The following AFG1L variants were observed in gnomAD, a reference collection of about 807,000 sequenced individuals.
AFG1L encodes AFG1-like ATPase.
Under a neutral mutation model 62.2 loss-of-function variants are expected in AFG1L, and 53 were observed. The ratio of observed to expected loss-of-function variants is 0.85; its 90% confidence interval spans 0.68 to 1.07. The LOEUF (loss-of-function observed/expected upper bound fraction) is 1.07. AFG1L is among the 50% of genes least tolerant of loss of function. The probability of loss-of-function intolerance (pLI) is 0.00; values close to 1 mark genes in which losing one functional copy is unlikely to be tolerated. For missense variants in AFG1L, 555 were observed against 590.5 expected (o/e 0.94, Z 0.62); for synonymous variants, 228 against 210.3 (o/e 1.08, Z -0.73).
intron 7 of AFG1L, among the ~76,000 whole-genome samples, chr6:108,435,207 GA>G (rs972113378): frequency 1.3e-5 from 2 of 152,206 alleles, no homozygotes; most frequent in Non-Finnish European, 2.9e-5. Context: ...TTATAAACCA[GA>G]AGGGGCTATG....
intron 7 of AFG1L, among the ~76,000 whole-genome samples, chr6:108,434,143 G>C (rs1023470911): frequency 5.3e-5 from 8 of 152,204 alleles, no homozygotes; most frequent in African/African-American, 1.9e-4. Flanking sequence ...TCTGACACAT[G>C]TATATTGAAC....
At chr6:108,405,789 T>TC (rs1343629506) in intron 7 of AFG1L, among the ~76,000 whole-genome samples, 1 of 152,262 alleles carries the variant, frequency 6.6e-6, no homozygotes, top group South Asian at 2.1e-4. Context: ...CCACCCATTG[T>TC]CCCCCTTTCC....
intron 7 of AFG1L, among the ~76,000 whole-genome samples, chr6:108,419,784 T>G (rs1422610155): frequency 1.3e-5 from 2 of 152,182 alleles, no homozygotes; most frequent in Non-Finnish European, 2.9e-5. Context: ...TTTTATTTCC[T>G]GAGAAAATTT....
intron 7 of AFG1L, among the ~76,000 whole-genome samples, chr6:108,446,051 TACACACACACACACACAC>T (rs67384163): frequency 0.3 from 42,695 of 141,802 alleles, 6,440 homozygotes; most frequent in Non-Finnish European, 0.36. Context: ...TATGTAGAGA[TACACACACACACACACAC>T]ACACACACAC....
At chr6:108,344,805 T>A (rs1484328165) in intron 2 of AFG1L, 1 of 470,990 alleles carries the variant, frequency 2.1e-6, no homozygotes. Context: ...GTATGAAGGT[T>A]ACTCGTCTAA....
At chr6:108,518,508 G>A (rs1339159270) in intron 11 of AFG1L, among the ~76,000 whole-genome samples, 5 of 131,008 alleles carry the variant, frequency 3.8e-5, no homozygotes, top group Non-Finnish European at 8.0e-5. Context: ...TGTGGGGTGG[G>A]GGGAGGGGGG....
chr6:108,298,216 T>C lies in AFG1L; in HGVS notation c.139+2998T>C, dbSNP rs1323040082. On this transcript the variant is annotated intron_variant, in intron 1 of 12. Transcript: ENST00000368977. ...TGATCTAAGCCTGTTTGAAGTGTTA[T>C]AAGACTGCAGAGGAGGAAGCAGCTC... Among the ~76,000 whole-genome samples the C allele has an allele frequency of 2.6e-5, 4 of 151,694 alleles. No homozygotes were observed. The East Asian group carries it at 5.8e-4, about 22-fold the overall frequency.
At chr6:108,487,666 G>A (rs774692083) in intron 10 of AFG1L, among the ~76,000 whole-genome samples, 1 of 152,158 alleles carries the variant, frequency 6.6e-6, no homozygotes, top group Admixed American at 6.5e-5. Flanking sequence ...GGTTGGAAAG[G>A]CTCCAACAAG....
At chr6:108,439,972 T>C (rs1438095874) in intron 7 of AFG1L, among the ~76,000 whole-genome samples, 1 of 152,174 alleles carries the variant, frequency 6.6e-6, no homozygotes, top group Admixed American at 6.5e-5. Context: ...ATAGAACTTT[T>C]AAGATATCAA....
At chr6:108,400,610 T>A (rs1312888417) in intron 6 of AFG1L, among the ~76,000 whole-genome samples, 1 of 134,266 alleles carries the variant, frequency 7.4e-6, no homozygotes, top group African/African-American at 2.8e-5. Flanking sequence ...TATTTATATA[T>A]AATAATTTAT....
At chr6:108,400,016 G>C (rs2114623935) in intron 6 of AFG1L, among the ~76,000 whole-genome samples, 1 of 151,616 alleles carries the variant, frequency 6.6e-6, no homozygotes, top group Admixed American at 6.6e-5. Flanking sequence ...TGGACTCAAG[G>C]GATCCACCTG....
intron 7 of AFG1L, among the ~76,000 whole-genome samples, chr6:108,414,859 A>C (rs549665226): frequency 6.6e-6 from 1 of 152,208 alleles, no homozygotes; most frequent in South Asian, 2.1e-4. Context: ...GAAAACTGGC[A>C]CAAGACAGGG....
chr6:108,403,447 T>A (rs1331879934), intron 7 of AFG1L, among the ~76,000 whole-genome samples: 2 of 152,172 alleles, frequency 1.3e-5, no homozygotes, highest in East Asian at 3.8e-4. Flanking sequence ...AATTCAAACA[T>A]CTGTTTCCTT....
At chr6:108,338,420 T>C (rs1228762198) in intron 2 of AFG1L, among the ~76,000 whole-genome samples, 1 of 152,192 alleles carries the variant, frequency 6.6e-6, no homozygotes, top group Non-Finnish European at 1.5e-5. Context: ...TGTGAATAAC[T>C]CTCAGAGAAT....
chr6:108,347,245 G>A (rs79764702), intron 3 of AFG1L, among the ~76,000 whole-genome samples: 1 of 152,082 alleles, frequency 6.6e-6, no homozygotes, highest in Non-Finnish European at 1.5e-5. Flanking sequence ...GTAGTCTAGG[G>A]CAGAATTAGT....
chr6:108,375,701 T>TCTAG (rs1351505880), intron 6 of AFG1L, among the ~76,000 whole-genome samples: 2 of 152,154 alleles, frequency 1.3e-5, no homozygotes, highest in Non-Finnish European at 2.9e-5. Context: ...AATTAACTTT[T>TCTAG]TTTGGTGTGT....
intron 10 of AFG1L, among the ~76,000 whole-genome samples, chr6:108,500,577 G>T (rs1037137803): frequency 6.6e-6 from 1 of 152,092 alleles, no homozygotes; most frequent in African/African-American, 2.4e-5. Flanking sequence ...CCATGCCTTT[G>T]TTGTGAATAG....
At chr6:108,409,109 C>T (rs1025258466) in intron 7 of AFG1L, among the ~76,000 whole-genome samples, 8 of 152,116 alleles carry the variant, frequency 5.3e-5, no homozygotes, top group African/African-American at 1.9e-4. Context: ...CTATTCCTAT[C>T]TCAACTGTGG....
intron 2 of AFG1L, among the ~76,000 whole-genome samples, chr6:108,325,729 G>T (rs552565079): frequency 6.6e-6 from 1 of 151,586 alleles, no homozygotes; most frequent in Non-Finnish European, 1.5e-5. Flanking sequence ...CAGGTGATCC[G>T]CCCACCTCGG....
Sources: gnomAD v4.1 joint callset for allele counts (sites outside exome capture counted in the v4.1 genomes callset) on GRCh38, gnomAD v4.1.1 for gene constraint, MANE v1.5 for transcripts, NCBI Gene and HGNC (gene_info 2026-07-23, HGNC 2026-07-21) for gene names.